MICU1: variants seen among roughly 807,000 people sequenced by gnomAD.
MICU1 encodes the protein mitochondrial calcium uptake 1.
Under a neutral mutation model 56.8 loss-of-function variants are expected in MICU1, and 45 were observed. The ratio of observed to expected loss-of-function variants is 0.79; its 90% confidence interval spans 0.62 to 1.02. MICU1 has a LOEUF of 1.02. MICU1 is among the 50% of genes least tolerant of loss of function. The pLI, the probability that MICU1 is intolerant of heterozygous loss-of-function variation, is 0.00. For synonymous variants in MICU1, 186 were observed against 195.1 expected (o/e 0.95, Z 0.39); for missense variants, 504 against 587.1 (o/e 0.86, Z 1.46).
At chr10:72,559,515 A>G (rs1325508712) in intron 3 of MICU1, among the ~76,000 whole-genome samples, 1 of 152,012 alleles carries the variant, frequency 6.6e-6, no homozygotes, top group East Asian at 1.9e-4. Context: ...AGAACATAAA[A>G]AAACAAAAAT....
At chr10:72,505,955 T>C (rs977518232) in intron 6 of MICU1, among the ~76,000 whole-genome samples, 4 of 109,062 alleles carry the variant, frequency 3.7e-5, no homozygotes, top group African/African-American at 1.4e-4. Context: ...TCTCTGAATC[T>C]AAAATAAAAG....
rs1865170334 is a variant in MICU1, at chr10:72,448,151, C to CTG, written c.934-24782_934-24781dup. Among the ~76,000 whole-genome samples, 7 of 41,172 alleles carry CTG rather than the reference C, an allele frequency of 1.7e-4. 1 individual carries two copies. Among genetic ancestry groups the CTG allele is most frequent in the African/African-American group, 5.2e-4 (7 of 13,588 alleles). The allele number at this position is 41,172 out of a possible 152,430, so 27.0% of individuals were successfully genotyped here. A position where few individuals can be genotyped will look rare whatever the true frequency, so the allele number is the denominator to read the frequency against. On this transcript the variant is annotated intron_variant, in intron 8 of 11. Coordinates refer to ENST00000361114, the MANE Select transcript of MICU1 (RefSeq NM_001195518.2). The stretch of plus-strand genomic sequence containing the variant: ...TGTGTGTGTGTGTGTGTGTGTGTGT[C>CTG]TGTGTGTGTGTATATGTGTGTGTAT...
intron 1 of MICU1, among the ~76,000 whole-genome samples, chr10:72,604,548 C>T (rs972773863): frequency 6.6e-6 from 1 of 151,626 alleles, no homozygotes; most frequent in South Asian, 2.1e-4. Flanking sequence ...GTTGGGATTA[C>T]AGGCATGAGC....
intron 5 of MICU1, among the ~76,000 whole-genome samples, chr10:72,517,613 G>A (rs1486629852): frequency 1.3e-5 from 2 of 151,964 alleles, no homozygotes; most frequent in Non-Finnish European, 2.9e-5. Context: ...GGACTTTGGC[G>A]ACTCGGGGGT....
At chr10:72,445,189 A>G (rs1163569004) in intron 8 of MICU1, among the ~76,000 whole-genome samples, 3 of 152,222 alleles carry the variant, frequency 2.0e-5, no homozygotes, top group African/African-American at 7.2e-5. Flanking sequence ...TTGTAGGCCA[A>G]AACAATTTGT....
chr10:72,566,596 AG>A (rs1427087575), intron 2 of MICU1, 36 bp downstream of exon 2: 37 of 1,582,240 alleles, frequency 2.3e-5, no homozygotes, highest in Non-Finnish European at 3.1e-5. Context: ...GAAGAATAAA[AG>A]TATACGCAAG....
intron 1 of MICU1, among the ~76,000 whole-genome samples, chr10:72,583,847 G>C (rs1840972490): frequency 6.6e-6 from 1 of 152,138 alleles, no homozygotes. Flanking sequence ...TAATGTTCAT[G>C]TCCAGAAAAG....
At chr10:72,586,010 T>TTC (rs1847563263) in intron 1 of MICU1, among the ~76,000 whole-genome samples, 23 of 120,748 alleles carry the variant, frequency 1.9e-4, no homozygotes, top group Non-Finnish European at 2.5e-4. Context: ...TCTTTTTTTT[T>TTC]TTCTTTTTTT....
intron 5 of MICU1, chr10:72,524,885 T>C (rs556443141): frequency 2.0e-5 from 10 of 489,956 alleles, no homozygotes; most frequent in Middle Eastern, 5.6e-4. Context: ...CACCTGGAAG[T>C]AGGAAATGAG....
chr10:72,530,733 A>G (rs1402290898), intron 5 of MICU1, among the ~76,000 whole-genome samples: 3 of 152,208 alleles, frequency 2.0e-5, no homozygotes, highest in Non-Finnish European at 2.9e-5. Flanking sequence ...GCTCTGGAAA[A>G]AGATTCAACT....
chr10:72,430,356 T>A (rs2132155044), intron 8 of MICU1, among the ~76,000 whole-genome samples: 1 of 152,294 alleles, frequency 6.6e-6, no homozygotes, highest in African/African-American at 2.4e-5. Flanking sequence ...TAGGAATTGA[T>A]CCCTAGAAAC....
chr10:72,441,609 A>ATTTTTATTT (rs1470839651), intron 8 of MICU1, among the ~76,000 whole-genome samples: 1 of 111,376 alleles, frequency 9.0e-6, no homozygotes, highest in Non-Finnish European at 2.1e-5. Context: ...CTTATTTTTA[A>ATTTTTATTT]TTTTTCTTTT....
chr10:72,616,108 G>A (rs1227745877), intron 1 of MICU1, among the ~76,000 whole-genome samples: 5 of 152,142 alleles, frequency 3.3e-5, no homozygotes, highest in African/African-American at 4.8e-5. Flanking sequence ...TCTATCATCT[G>A]TGTCACTTCT....
At chr10:72,572,150 T>G (rs780292029) in intron 1 of MICU1, among the ~76,000 whole-genome samples, 3 of 152,280 alleles carry the variant, frequency 2.0e-5, no homozygotes, top group South Asian at 4.1e-4. Flanking sequence ...GCTCACTCAC[T>G]GGTAAAATGA....
chr10:72,621,716 T>C (rs940712296), intron 1 of MICU1, among the ~76,000 whole-genome samples: 4 of 152,146 alleles, frequency 2.6e-5, no homozygotes, highest in Non-Finnish European at 5.9e-5. Context: ...ATACATAATA[T>C]ATTTAAAGTT....
At chr10:72,516,082 A>T (rs1168651127) in intron 5 of MICU1, among the ~76,000 whole-genome samples, 1 of 152,134 alleles carries the variant, frequency 6.6e-6, no homozygotes, top group East Asian at 1.9e-4. Flanking sequence ...CTATTTCTCC[A>T]CATCCTCTCC....
intron 10 of MICU1, among the ~76,000 whole-genome samples, chr10:72,402,119 T>G (rs376611741): frequency 2.6e-5 from 4 of 151,336 alleles, no homozygotes; most frequent in African/African-American, 9.7e-5. Context: ...TAAGCTGAGA[T>G]TGATCAATGC....
intron 8 of MICU1, among the ~76,000 whole-genome samples, chr10:72,467,093 G>A (rs964252504): frequency 1.3e-5 from 2 of 151,940 alleles, no homozygotes; most frequent in African/African-American, 4.8e-5. Flanking sequence ...CCACCTCCTG[G>A]GTCCAGGCGA....
At chr10:72,397,649 C>T (rs1361107260) in intron 10 of MICU1, among the ~76,000 whole-genome samples, 2 of 152,148 alleles carry the variant, frequency 1.3e-5, no homozygotes, top group African/African-American at 4.8e-5. Context: ...TCTGATAAAA[C>T]AGACTTTAAA....
Sources: allele counts gnomAD v4.1 joint callset (sites outside exome capture counted in the v4.1 genomes callset), GRCh38; gene constraint gnomAD v4.1.1; transcripts MANE v1.5; gene names NCBI Gene and HGNC (gene_info 2026-07-23, HGNC 2026-07-21).